The following PDZRN3 variants were observed in gnomAD, a reference collection of about 807,000 sequenced individuals.
The protein encoded by PDZRN3 is PDZ domain containing ring finger 3, also known as E3 ubiquitin-protein ligase PDZRN3.
PDZRN3 carries 38 observed loss-of-function variants against 85.7 expected under a neutral mutation model. That is an observed-to-expected ratio of 0.44 (90% CI 0.34 to 0.58). The LOEUF is 0.58. PDZRN3 is among the 20% of genes least tolerant of loss of function. The pLI is 0.01. For synonymous variants in PDZRN3, 759 were observed against 638.0 expected, an observed-to-expected ratio of 1.19 and a Z score of -2.86; for missense variants, 1,629 against 1,506.4, an observed-to-expected ratio of 1.08 and a Z score of -1.35.
At chr3:73,580,165 C>G (rs867345797) in intron 3 of PDZRN3, among the ~76,000 whole-genome samples, 2 of 152,176 alleles carry the variant, frequency 1.3e-5, no homozygotes, top group African/African-American at 2.4e-5. Flanking sequence ...AGAGCTTTGT[C>G]TAGGACCCTG....
Position 73,388,028 on chromosome 3 carries a change from A to G in PDZRN3, c.1458T>C (p.Ala486=), listed in dbSNP as rs778148968. ...IEVQNREEAV[A]LLTSEENKNF... is the part of the protein sequence containing the mutation. ...TTTTATTTTCTTCACTGGTTAGAAG[A>G]GCCACAGCCTCTTCACGGTTCTGCA... Residue 486 remains alanine, a synonymous_variant, in exon 8 of 10, where the codon GCT becomes GCC. Transcript: ENST00000263666. 6 of 1,439,910 alleles carry G rather than the reference A, an allele frequency of 4.2e-6. No homozygotes were observed. Among genetic ancestry groups the G allele is most frequent in the African/African-American group, 2.9e-5 (2 of 69,226 alleles). 89.2% of individuals were successfully genotyped at this position (1,439,910 alleles called of 1,614,324 possible). A position where few individuals can be genotyped will look rare whatever the true frequency, so the allele number is the denominator to read the frequency against.
At chr3:73,441,305 G>A (rs1045162010) in intron 3 of PDZRN3, among the ~76,000 whole-genome samples, 1 of 151,204 alleles carries the variant, frequency 6.6e-6, no homozygotes, top group Admixed American at 6.6e-5. Context: ...CCCAGCTAGT[G>A]GGGAGGCTGA....
intron 3 of PDZRN3, among the ~76,000 whole-genome samples, chr3:73,520,820 G>A (rs2106728478): frequency 6.6e-6 from 1 of 152,202 alleles, no homozygotes; most frequent in South Asian, 2.1e-4. Flanking sequence ...TGAAGCTAGG[G>A]GGCAGGTCTC....
In PDZRN3 at chr3:73,449,366, TA is replaced by T. The variant is rs932369663; in HGVS notation, c.919-44972del. ...ACGGCTGTAGTTAAACATCAGTCTTTAAAAAAAAAAAGAGAGAGAGGGAAAT... is the reference window on the plus strand; with the variant it reads ...ACGGCTGTAGTTAAACATCAGTCTTTAAAAAAAAAAGAGAGAGAGGGAAAT... On this transcript the variant is annotated intron_variant, in intron 3 of 9. Coordinates refer to ENST00000263666, the MANE Select transcript of PDZRN3 (RefSeq NM_015009.3). Among the ~76,000 whole-genome samples the T allele has an allele frequency of 2.8e-3, 400 of 144,934 alleles. 2 individuals carry two copies. Among genetic ancestry groups the T allele is most frequent in the African/African-American group, 7.5e-3 (299 of 39,776 alleles).
At chr3:73,516,035 C>T (rs1044680450) in intron 3 of PDZRN3, among the ~76,000 whole-genome samples, 1 of 152,058 alleles carries the variant, frequency 6.6e-6, no homozygotes, top group Non-Finnish European at 1.5e-5. Context: ...TCTAACTGAG[C>T]GTTTGGAGCT....
At chr3:73,516,539 TAAGA>T (rs992729877) in intron 3 of PDZRN3, among the ~76,000 whole-genome samples, 2 of 152,224 alleles carry the variant, frequency 1.3e-5, no homozygotes, top group Admixed American at 1.3e-4. Context: ...AGAAACACGT[TAAGA>T]AAGGAGAAAA....
Position 73,388,066 on chromosome 3 carries a change from T to C in PDZRN3, c.1420A>G (p.Asn474Asp), listed in dbSNP as rs764801760. The C allele has an allele frequency of 1.1e-6, 1 of 893,408 alleles. No homozygotes were observed. The highest frequency in any genetic ancestry group is 1.5e-5 in the South Asian group (1 of 66,890). The allele number at this position is 893,408 out of a possible 1,614,324, so 55.3% of individuals were successfully genotyped here. The change falls in exon 8 of 10, where the codon AAT (asparagine) becomes GAT (aspartate). Residue 474 changes from asparagine (N) to aspartate (D), a missense_variant. Transcript: ENST00000263666. ...TCACGGTTCTGCACCTCTATCCCATTAATCTTTTAAAAAAAAAGGGGGGGT... is the reference window on the plus strand; with the variant it reads ...TCACGGTTCTGCACCTCTATCCCATCAATCTTTTAAAAAAAAAGGGGGGGT... ...IREGDRIIQI[N>D]GIEVQNREEA...
chr3:73,425,526 G>C (rs1702296023), intron 3 of PDZRN3, among the ~76,000 whole-genome samples: 1 of 151,504 alleles, frequency 6.6e-6, no homozygotes, highest in Non-Finnish European at 1.5e-5. Context: ...ATAATCCTGT[G>C]AGTTAAAAAC....
Position 73,415,984 on chromosome 3 carries a change from C to CAAA in PDZRN3, c.919-11592_919-11590dup, listed in dbSNP as rs34623609. Among the ~76,000 whole-genome samples the CAAA allele has an allele frequency of 9.6e-5, 6 of 62,302 alleles. No homozygotes were observed. In the South Asian group the frequency reaches 2.3e-3, roughly 24 times the overall value. 40.9% of individuals were successfully genotyped at this position (62,302 alleles called of 152,430 possible). On this transcript the variant is annotated intron_variant, in intron 3 of 9. Transcript: ENST00000263666. ...GTAGATTTTTAGGTACTTTCATCAC[C>CAAA]AAAAAAAAAAAAAAAAAAGACTTTG...
chr3:73,382,705 T>C lies in PDZRN3; in HGVS notation c.*660A>G, dbSNP rs1703259826. On this transcript the variant is annotated 3_prime_UTR_variant, in exon 10 of 10. Coordinates refer to ENST00000263666, the MANE Select transcript of PDZRN3 (RefSeq NM_015009.3). The stretch of plus-strand genomic sequence containing the variant: ...TGGGCTGCAATATTTGCAAACATGC[T>C]TTAAACTTCCATAAAGATGCAAGAT... 1 of 152,622 alleles carries C rather than the reference T, an allele frequency of 6.6e-6. No homozygotes were observed. The highest frequency in any genetic ancestry group is 2.4e-5 in the African/African-American group (1 of 41,418). The allele number at this position is 152,622 out of a possible 1,614,324, so 9.5% of individuals were successfully genotyped here.
intron 2 of PDZRN3, among the ~76,000 whole-genome samples, chr3:73,606,082 T>C (rs1702595727): frequency 6.6e-6 from 1 of 152,248 alleles, no homozygotes; most frequent in African/African-American, 2.4e-5. Flanking sequence ...CAACAATCAC[T>C]TGGCCACAGG....
intron 3 of PDZRN3, among the ~76,000 whole-genome samples, chr3:73,598,674 T>A (rs1254065857): frequency 6.6e-6 from 1 of 152,148 alleles, no homozygotes; most frequent in African/African-American, 2.4e-5. Flanking sequence ...GGGCCCCAGA[T>A]TCCCAGCCAC....
chr3:73,622,615 T>G (rs1702885497), intron 1 of PDZRN3, among the ~76,000 whole-genome samples: 1 of 152,188 alleles, frequency 6.6e-6, no homozygotes, highest in East Asian at 1.9e-4. Context: ...AGAATGCTGC[T>G]AAACATCCTA....
chr3:73,552,508 A>G (rs1039389647), intron 3 of PDZRN3, among the ~76,000 whole-genome samples: 8 of 152,114 alleles, frequency 5.3e-5, no homozygotes, highest in African/African-American at 1.9e-4. Context: ...TACAAAATAC[A>G]AAGAACATAT....
chr3:73,609,013 C>T (rs1348766547), intron 1 of PDZRN3, among the ~76,000 whole-genome samples: 2 of 152,172 alleles, frequency 1.3e-5, no homozygotes, highest in Admixed American at 6.5e-5. Flanking sequence ...CCATCGTACG[C>T]AGGCTGTCTA....
intron 3 of PDZRN3, among the ~76,000 whole-genome samples, chr3:73,570,151 C>T (rs540864409): frequency 1.3e-5 from 2 of 152,286 alleles, no homozygotes; most frequent in South Asian, 2.1e-4. Flanking sequence ...AGGCAGGACT[C>T]TTGTATTCTT....
chr3:73,599,813 A>C (rs904444568), intron 3 of PDZRN3, among the ~76,000 whole-genome samples: 10 of 152,034 alleles, frequency 6.6e-5, no homozygotes, highest in Non-Finnish European at 1.0e-4. Context: ...CAGCCACATA[A>C]GGTGCATCCC....
chr3:73,512,311 A>C (rs1704180361), intron 3 of PDZRN3, among the ~76,000 whole-genome samples: 1 of 152,226 alleles, frequency 6.6e-6, no homozygotes, highest in South Asian at 2.1e-4. Context: ...TTACATTTCA[A>C]AACAGATGAT....
chr3:73,456,044 G>A (rs1391954903), intron 3 of PDZRN3, among the ~76,000 whole-genome samples: 8 of 152,226 alleles, frequency 5.3e-5, no homozygotes, highest in Admixed American at 4.6e-4. Flanking sequence ...GTGGAAGGAA[G>A]AAACAGATTC....
Sources: allele counts gnomAD v4.1 joint callset (sites outside exome capture counted in the v4.1 genomes callset), GRCh38; gene constraint gnomAD v4.1.1; transcripts MANE v1.5; gene names NCBI Gene and HGNC (gene_info 2026-07-23, HGNC 2026-07-21).